ARPP21: variants seen among roughly 807,000 people sequenced by gnomAD.
ARPP21 encodes cAMP-regulated phosphoprotein 21.
A neutral mutation model predicts 113.2 loss-of-function variants in ARPP21; 69 were observed. The ratio of observed to expected loss-of-function variants is 0.61; its 90% CI spans 0.50 to 0.74. The LOEUF (loss-of-function observed/expected upper bound fraction) is 0.74. Ranked by LOEUF, ARPP21 falls within the 30% of genes least tolerant of loss-of-function variation. The pLI is 0.00. For missense variants in ARPP21, 1,070 were observed against 1,037.4 expected (o/e 1.03, Z -0.43); for synonymous variants, 368 against 375.5 (o/e 0.98, Z 0.23).
intron 19 of ARPP21, among the ~76,000 whole-genome samples, chr3:35,756,084 C>T (rs1380358455): frequency 6.6e-6 from 1 of 152,028 alleles, no homozygotes; most frequent in Non-Finnish European, 1.5e-5. Flanking sequence ...TTACTCATTA[C>T]CTCCTAGTTT....
chr3:35,684,414 C>T, intron 5 of ARPP21: 1 of 974,916 alleles, frequency 1.0e-6, no homozygotes, highest in Non-Finnish European at 1.2e-6. Context: ...CTTATTTTTG[C>T]TCCTTACAGC....
chr3:35,687,877 T>C lies in ARPP21; in HGVS notation c.400T>C (p.Ser134Pro). Residue 134 changes from serine (S) to proline (P), a missense_variant, in exon 6 of 21, where the codon TCA becomes CCA. Ser to Pro is a moderately conservative substitution (Grantham distance 74, BLOSUM62 -1). Transcript: ENST00000684406. ...TGAAAAACCCAAGATCAGAATGTTA[T>C]CAAAAGGTGAATGTGAAAATATTTC... is the stretch of plus-strand genomic sequence containing the variant. ...TSEKPKIRMLSKDCSQEYTDS... is the reference protein window; with the variant it reads ...TSEKPKIRMLPKDCSQEYTDS... The C allele has an allele frequency of 1.3e-6, 2 of 1,582,228 alleles. No homozygotes were observed. The highest frequency in any genetic ancestry group is 1.2e-5 in the South Asian group (1 of 85,176).
chr3:35,758,816 A>G (rs1576707298), intron 19 of ARPP21, among the ~76,000 whole-genome samples: 2 of 151,900 alleles, frequency 1.3e-5, no homozygotes, highest in South Asian at 4.1e-4. Context: ...GTTCTTTTCT[A>G]TATATTTAAG....
intron 1 of ARPP21, among the ~76,000 whole-genome samples, chr3:35,644,014 T>A (rs1699215476): frequency 6.6e-6 from 1 of 152,048 alleles, no homozygotes; most frequent in South Asian, 2.1e-4. Flanking sequence ...AAAGGATCTT[T>A]ATGATTCTAG....
rs573528688 is a variant in ARPP21, at chr3:35,693,279, T to C, written c.686+2274T>C. ...AAAAAAGGCAAATGACTGTATGTCA[T>C]GGACTTTCAAGGTATTTACTGAAGT... On this transcript the variant is annotated intron_variant, in intron 9 of 20. Coordinates refer to ENST00000684406, the MANE Select transcript of ARPP21 (RefSeq NM_001385562.1). Among the ~76,000 whole-genome samples the C allele has an allele frequency of 2.0e-5, 3 of 151,730 alleles. No homozygotes were observed. The South Asian group carries it at 6.2e-4, about 32-fold the overall frequency.
chr3:35,701,292 T>C (rs1373386876), intron 9 of ARPP21, among the ~76,000 whole-genome samples: 2 of 151,796 alleles, frequency 1.3e-5, no homozygotes, highest in Non-Finnish European at 2.9e-5. Context: ...AGATAATTCA[T>C]ATAAGATCAT....
At chr3:35,743,105 A>G (rs1452617178) in intron 18 of ARPP21, among the ~76,000 whole-genome samples, 1 of 152,182 alleles carries the variant, frequency 6.6e-6, no homozygotes, top group Non-Finnish European at 1.5e-5. Context: ...GTGTGTACCA[A>G]TCATTCTGCA....
At position 35,792,384 on chromosome 3, in the gene ARPP21, TACC is replaced by T. The variant is rs2096764870; in HGVS notation, c.2142_2144del (p.Tyr714_Gln715delinsTer). The T allele has an allele frequency of 6.2e-7, 1 of 1,613,758 alleles. No homozygotes were observed. The highest frequency in any genetic ancestry group is 1.3e-5 in the African/African-American group (1 of 74,942). On this transcript the variant is annotated stop_gained and inframe_deletion, in exon 20 of 21. Coordinates refer to ENST00000684406, the MANE Select transcript of ARPP21 (RefSeq NM_001385562.1). LOFTEE classifies it high-confidence loss of function. ...CAAAAGATCTCTTTTCTTCGCAGGT[TACC>T]AGCCAGTCTTGTCTGGTCAACAGGG...
chr3:35,642,861 T>G (rs1052928784), intron 1 of ARPP21, among the ~76,000 whole-genome samples: 29 of 152,290 alleles, frequency 1.9e-4, no homozygotes, highest in African/African-American at 5.5e-4. Flanking sequence ...AAGTTTTGTT[T>G]GGACTTGATA....
intron 1 of ARPP21, among the ~76,000 whole-genome samples, chr3:35,658,728 C>T (rs915601888): frequency 1.3e-5 from 2 of 151,982 alleles, no homozygotes; most frequent in Non-Finnish European, 2.9e-5. Flanking sequence ...AAGTAGCTGC[C>T]TTTTAGGTTC....
At chr3:35,647,606 AG>A (rs972134640) in intron 1 of ARPP21, among the ~76,000 whole-genome samples, 2 of 152,194 alleles carry the variant, frequency 1.3e-5, no homozygotes, top group African/African-American at 4.8e-5. Context: ...AAGGGCTAAA[AG>A]TGGTGTATCT....
chr3:35,680,350 A>G (rs1480537161), intron 2 of ARPP21, among the ~76,000 whole-genome samples: 2 of 151,904 alleles, frequency 1.3e-5, no homozygotes, highest in African/African-American at 2.4e-5. Flanking sequence ...ACCTGAATGC[A>G]TTGCTTACTA....
chr3:35,758,908 T>G (rs1049067175), intron 19 of ARPP21, among the ~76,000 whole-genome samples: 9 of 151,990 alleles, frequency 5.9e-5, no homozygotes, highest in Non-Finnish European at 8.8e-5. Context: ...GGTGGATATA[T>G]GAATGTGATT....
Position 35,706,985 on chromosome 3 carries a change from G to A in ARPP21, c.698G>A (p.Arg233Lys), listed in dbSNP as rs749682837. Residue 233 changes from arginine to lysine, a missense_variant, in exon 10 of 21, where the codon AGG (arginine) becomes AAG (lysine). By Grantham distance (26) the Arg-to-Lys change is conservative. Coordinates refer to ENST00000684406, the MANE Select transcript of ARPP21 (RefSeq NM_001385562.1). ...KTSSTRIPEQ[R>K]FCEHLKDEKG... The stretch of plus-strand genomic sequence containing the variant: ...TACTTTGCTGGCAGACCAGAGCAAA[G>A]GTTTTGTGAACATTTAAAAGATGAA... 3.1e-6 allele frequency: 5 copies of A among 1,613,666 alleles called. No homozygotes were observed. In the South Asian group the frequency reaches 3.3e-5, roughly 11 times the overall value.
intron 9 of ARPP21, among the ~76,000 whole-genome samples, chr3:35,701,281 T>C (rs1416433030): frequency 6.6e-6 from 1 of 151,808 alleles, no homozygotes; most frequent in Non-Finnish European, 1.5e-5. Context: ...CAGTATTTCC[T>C]AGATAATTCA....
chr3:35,752,067 C>CT (rs1274580073), intron 19 of ARPP21, among the ~76,000 whole-genome samples: 14 of 152,024 alleles, frequency 9.2e-5, no homozygotes, highest in African/African-American at 3.4e-4. Flanking sequence ...TGCAACAGGC[C>CT]TCTTGTTTGT....
intron 19 of ARPP21, among the ~76,000 whole-genome samples, chr3:35,770,728 G>T (rs758291129): frequency 3.3e-5 from 5 of 152,208 alleles, no homozygotes; most frequent in Non-Finnish European, 4.4e-5. Flanking sequence ...TGCTTAAATT[G>T]TAAACAGTAG....
At chr3:35,670,561 A>T (rs565017070) in intron 1 of ARPP21, among the ~76,000 whole-genome samples, 36 of 152,172 alleles carry the variant, frequency 2.4e-4, no homozygotes, top group African/African-American at 8.2e-4. Context: ...ACAGATGACC[A>T]ACCACATGAT....
At chr3:35,778,249 T>C (rs548083943) in intron 19 of ARPP21, among the ~76,000 whole-genome samples, 15 of 152,296 alleles carry the variant, frequency 9.8e-5, no homozygotes, top group Admixed American at 9.2e-4. Context: ...TTATTCTCTG[T>C]GTTTCCTCCC....
Sources: gnomAD v4.1 joint callset for allele counts (sites outside exome capture counted in the v4.1 genomes callset) on GRCh38, gnomAD v4.1.1 for gene constraint, MANE v1.5 for transcripts, NCBI Gene and HGNC (gene_info 2026-07-23, HGNC 2026-07-21) for gene names.